Variants in RGS22 observed in about 807,000 individuals in gnomAD.
RGS22 encodes the protein regulator of G protein signaling 22.
In RGS22, 148 loss-of-function variants were observed where a neutral mutation model predicts 172.9. The ratio of observed to expected loss-of-function variants is 0.86; its 90% CI spans 0.75 to 0.98. The LOEUF (loss-of-function observed/expected upper bound fraction) is 0.98, where lower values mean the gene tolerates loss of function less well. RGS22 is among the 50% of genes least tolerant of loss of function. The probability of loss-of-function intolerance (pLI) is 0.00; values close to 1 mark genes in which losing one functional copy is unlikely to be tolerated. For synonymous variants in RGS22, 458 were observed against 480.2 expected, an observed-to-expected ratio of 0.95 and a Z score of 0.60; for missense variants, 1,347 against 1,440.8, an observed-to-expected ratio of 0.93 and a Z score of 1.05.
intron 18 of RGS22, among the ~76,000 whole-genome samples, chr8:100,001,387 C>T (rs1815075627): frequency 6.6e-6 from 1 of 151,516 alleles, no homozygotes; most frequent in South Asian, 2.1e-4. Context: ...CAGGTGTGTG[C>T]CACCACACCT....
At chr8:100,001,185 C>T (rs935947380) in intron 18 of RGS22, among the ~76,000 whole-genome samples, 6 of 107,328 alleles carry the variant, frequency 5.6e-5, no homozygotes, top group South Asian at 3.0e-4. Context: ...ACAAACCTAC[C>T]GCTGAATCCC....
At chr8:100,033,422 A>G (rs1819068463) in intron 14 of RGS22, among the ~76,000 whole-genome samples, 1 of 152,288 alleles carries the variant, frequency 6.6e-6, no homozygotes, top group African/African-American at 2.4e-5. Flanking sequence ...ATCTAGAAGA[A>G]ATGGATAAAT....
At chr8:100,000,751 A>G (rs1563596887) in intron 18 of RGS22, among the ~76,000 whole-genome samples, 3 of 152,168 alleles carry the variant, frequency 2.0e-5, no homozygotes, top group African/African-American at 7.2e-5. Context: ...TTATTGAGAC[A>G]CCCAACCACT....
intron 23 of RGS22, among the ~76,000 whole-genome samples, chr8:99,972,138 A>G (rs1182271949): frequency 6.6e-6 from 1 of 152,184 alleles, no homozygotes; most frequent in Admixed American, 6.5e-5. Context: ...TGACAAAAAC[A>G]AGCAATAGGG....
chr8:100,019,412 G>C (rs1817360429), intron 14 of RGS22, among the ~76,000 whole-genome samples: 1 of 152,124 alleles, frequency 6.6e-6, no homozygotes. Flanking sequence ...ATGATTGCCT[G>C]GTAACACTGA....
intron 2 of RGS22, among the ~76,000 whole-genome samples, chr8:100,099,258 G>A (rs1415796247): frequency 2.0e-5 from 3 of 151,950 alleles, no homozygotes; most frequent in Non-Finnish European, 2.9e-5. Flanking sequence ...CCAATACTTC[G>A]AATTATACCT....
chr8:100,044,020 A>G (rs1352949420), intron 11 of RGS22, among the ~76,000 whole-genome samples: 5 of 152,220 alleles, frequency 3.3e-5, no homozygotes, highest in Non-Finnish European at 7.3e-5. Context: ...AATTACCAAA[A>G]ATTACTCAAA....
chr8:100,043,994 T>C (rs1289449575), intron 11 of RGS22, among the ~76,000 whole-genome samples: 2 of 152,056 alleles, frequency 1.3e-5, no homozygotes. Flanking sequence ...AATGAACAAA[T>C]TCCTAGAGAG....
Position 100,101,832 on chromosome 8 carries a change from T to C in RGS22, c.54+3542A>G, listed in dbSNP as rs1284398009. On this transcript the variant is annotated intron_variant, in intron 2 of 27. Transcript: ENST00000360863. Reference sequence around the variant, plus strand: ...TTTTAGATCCACTGAGAAAATACAATATGAAAAAAAAGCTAGTATGAACAC... The same window carrying C: ...TTTTAGATCCACTGAGAAAATACAACATGAAAAAAAAGCTAGTATGAACAC... Among the ~76,000 whole-genome samples the C allele has an allele frequency of 3.4e-5, 5 of 145,288 alleles. No individual in the cohort carries two copies. In the East Asian group the frequency reaches 1.0e-3, roughly 29 times the overall value.
At chr8:99,970,018 T>C (rs1290288404) in intron 23 of RGS22, among the ~76,000 whole-genome samples, 1 of 152,068 alleles carries the variant, frequency 6.6e-6, no homozygotes, top group African/African-American at 2.4e-5. Context: ...ATAACAGAAA[T>C]CATAACAAAC....
intron 14 of RGS22, chr8:100,038,667 A>G (rs767422848): frequency 4.9e-5 from 14 of 282,914 alleles, no homozygotes; most frequent in Non-Finnish European, 8.5e-5. Context: ...TAGAAAAAAA[A>G]GAGAGAGAGA....
intron 3 of RGS22, among the ~76,000 whole-genome samples, chr8:100,083,354 G>C (rs1811904534): frequency 6.6e-6 from 1 of 152,176 alleles, no homozygotes; most frequent in Admixed American, 6.5e-5. Context: ...AGTATTTAAA[G>C]CAGGTAGTTA....
chr8:100,057,793 T>C (rs1394075455), intron 9 of RGS22, among the ~76,000 whole-genome samples: 2 of 152,220 alleles, frequency 1.3e-5, no homozygotes, highest in African/African-American at 4.8e-5. Context: ...GACTAACTCT[T>C]CAATGCCCAG....
At chr8:100,084,489 A>T (rs183997934) in intron 3 of RGS22, among the ~76,000 whole-genome samples, 6 of 152,342 alleles carry the variant, frequency 3.9e-5, no homozygotes, top group East Asian at 3.9e-4. Flanking sequence ...ATGGCATGCA[A>T]TGTTTCTATT....
intron 4 of RGS22, among the ~76,000 whole-genome samples, chr8:100,072,800 G>A (rs1159784051): frequency 6.6e-6 from 1 of 152,156 alleles, no homozygotes; most frequent in Non-Finnish European, 1.5e-5. Flanking sequence ...CTTAGGAGAG[G>A]TTTCCCACAG....
Position 100,023,059 on chromosome 8 carries a change from AC to A in RGS22, c.2167-14491del, listed in dbSNP as rs1023560903. Among the ~76,000 whole-genome samples, 5 of 152,316 alleles carry A rather than the reference AC, an allele frequency of 3.3e-5. No individual in the cohort carries two copies. The East Asian group carries it at 7.7e-4, about 23-fold the overall frequency. ...TAAAATTTCTGGCTTGGGAAAAAAAACAAACCTGTTTCACCAGTATGATAAT... is the reference window on the plus strand; with the variant it reads ...TAAAATTTCTGGCTTGGGAAAAAAAAAAACCTGTTTCACCAGTATGATAAT... On this transcript the variant is annotated intron_variant, in intron 14 of 27. Coordinates refer to ENST00000360863, the MANE Select transcript of RGS22 (RefSeq NM_015668.5).
At chr8:100,040,272 G>A (rs1281367170) in intron 12 of RGS22, among the ~76,000 whole-genome samples, 185 bp from the exon 13 acceptor site, 1 of 152,110 alleles carries the variant, frequency 6.6e-6, no homozygotes, top group Non-Finnish European at 1.5e-5. Context: ...ATTCATTTGT[G>A]GAGCCCAACT....
At chr8:99,997,000 T>A (rs1029488591) in intron 19 of RGS22, among the ~76,000 whole-genome samples, 9 of 152,140 alleles carry the variant, frequency 5.9e-5, no homozygotes, top group Non-Finnish European at 1.0e-4. Flanking sequence ...ATTGACTCTA[T>A]CTCCCTGTCC....
chr8:100,043,248 A>G (rs1359358553), intron 11 of RGS22, among the ~76,000 whole-genome samples: 1 of 152,118 alleles, frequency 6.6e-6, no homozygotes, highest in Admixed American at 6.6e-5. Context: ...ACTTCTTTCC[A>G]TGTTGTCTCA....
Sources: gnomAD v4.1 joint callset for allele counts (sites outside exome capture counted in the v4.1 genomes callset) on GRCh38, gnomAD v4.1.1 for gene constraint, MANE v1.5 for transcripts, NCBI Gene and HGNC (gene_info 2026-07-23, HGNC 2026-07-21) for gene names.